PLEKHA5: variants seen among roughly 807,000 people sequenced by gnomAD.
PLEKHA5 encodes pleckstrin homology domain containing A5.
In PLEKHA5, 55 loss-of-function variants were observed where a neutral mutation model predicts 181.9. That is an observed-to-expected ratio of 0.30 (90% CI 0.24 to 0.38). The LOEUF is 0.38. Ranked by LOEUF, PLEKHA5 falls within the 10% of genes least tolerant of loss-of-function variation. The probability of loss-of-function intolerance (pLI) is 1.00; values close to 1 mark genes in which losing one functional copy is unlikely to be tolerated. For missense variants in PLEKHA5, 1,432 were observed against 1,549.5 expected (o/e 0.92, Z 1.27); for synonymous variants, 535 against 529.4 (o/e 1.01, Z -0.15).
Position 19,314,854 on chromosome 12 carries a change from T to C in PLEKHA5, c.2078T>C (p.Met693Thr). The C allele has an allele frequency of 6.5e-7, 1 of 1,548,848 alleles. No homozygotes were observed. The change falls in exon 16 of 32, where the codon ATG becomes ACG. Residue 693 changes from methionine to threonine, a missense_variant. Physicochemically the swap from Met to Thr is moderately conservative, Grantham distance 81. Coordinates refer to ENST00000429027, the MANE Select transcript of PLEKHA5 (RefSeq NM_001256470.2). ...NEPIITMVHT[M>T]IENSALRPQL... The stretch of plus-strand genomic sequence containing the variant: ...CCTATTATCACCATGGTTCACACAA[T>C]GATTGAGAACTCGGCGCTAAGACCC...
At chr12:19,231,778 T>C (rs1417371079) in intron 3 of PLEKHA5, among the ~76,000 whole-genome samples, 3 of 151,744 alleles carry the variant, frequency 2.0e-5, no homozygotes, top group African/African-American at 7.2e-5. Context: ...TATTTAATTA[T>C]AAAATCAGTA....
chr12:19,288,077 CAAAAAA>C (rs9300127), intron 13 of PLEKHA5: 131 of 185,640 alleles, frequency 7.1e-4, no homozygotes, highest in South Asian at 1.1e-3. Context: ...GACTCTGTCT[CAAAAAA>C]AAAAAAAAAA....
Position 19,196,110 on chromosome 12 carries a change from GAAT to G in PLEKHA5, c.228-57825_228-57823del, listed in dbSNP as rs1264019906. 5.3e-5 allele frequency among the ~76,000 whole-genome samples: 8 copies of G among 152,106 alleles called. No individual in the cohort carries two copies. The East Asian group carries it at 1.5e-3, about 29-fold the overall frequency. ...AGTATTTTATTGAGTCTGATTTCTTGAATAATATTTTATTTCTACAATGTGAGC... is the reference window on the plus strand; with the variant it reads ...AGTATTTTATTGAGTCTGATTTCTTGAATATTTTATTTCTACAATGTGAGC... On this transcript the variant is annotated intron_variant, in intron 3 of 31. Transcript: ENST00000429027.
intron 27 of PLEKHA5, among the ~76,000 whole-genome samples, chr12:19,358,811 T>TG (rs764259167): frequency 1.3e-4 from 20 of 152,228 alleles, no homozygotes; most frequent in Non-Finnish European, 2.5e-4. Flanking sequence ...AAATATGTAT[T>TG]GCTCTGTGTC....
At chr12:19,279,144 T>C (rs1319931791) in intron 11 of PLEKHA5, among the ~76,000 whole-genome samples, 1 of 152,224 alleles carries the variant, frequency 6.6e-6, no homozygotes, top group Non-Finnish European at 1.5e-5. Flanking sequence ...GATTATATCC[T>C]TCCTAATTTT....
At chr12:19,344,949 A>AG (rs1459727537) in intron 22 of PLEKHA5, among the ~76,000 whole-genome samples, 4 of 146,418 alleles carry the variant, frequency 2.7e-5, no homozygotes, top group East Asian at 2.0e-4. Flanking sequence ...GCTCTACTGA[A>AG]AAAAAAAAAA....
At chr12:19,134,570 C>G (rs2035037483) in intron 3 of PLEKHA5, among the ~76,000 whole-genome samples, 1 of 152,038 alleles carries the variant, frequency 6.6e-6, no homozygotes, top group Non-Finnish European at 1.5e-5. Flanking sequence ...AGACTAATTT[C>G]TTTTAAGGTT....
rs562983593 is a variant in PLEKHA5 at position 19,166,321 on chromosome 12, A to G, written c.227+33871A>G. ...GACGTCATCGAAACATACTGTAGTT[A>G]TTTAAACGTGTCGTGGTTCTAAATG... On this transcript the variant is annotated intron_variant, in intron 3 of 31. Transcript: ENST00000429027. Among the ~76,000 whole-genome samples, 40 of 152,324 alleles carry G rather than the reference A, an allele frequency of 2.6e-4. 1 individual carries two copies. The highest frequency in any genetic ancestry group is 7.2e-4 in the Admixed American group (11 of 15,302).
intron 20 of PLEKHA5, among the ~76,000 whole-genome samples, chr12:19,325,506 G>A (rs576690689): frequency 7.9e-5 from 12 of 151,688 alleles, no homozygotes; most frequent in African/African-American, 2.7e-4. Flanking sequence ...TGGCTGACAC[G>A]GTGAAACCCC....
At chr12:19,243,594 A>T (rs1219096346) in intron 3 of PLEKHA5, among the ~76,000 whole-genome samples, 1 of 152,164 alleles carries the variant, frequency 6.6e-6, no homozygotes, top group Non-Finnish European at 1.5e-5. Context: ...AAATGATGAG[A>T]GGAGAAAGAA....
Position 19,322,382 on chromosome 12 carries a change from A to G in PLEKHA5, c.2290A>G (p.Lys764Glu). The G allele has an allele frequency of 1.2e-6, 2 of 1,609,722 alleles. No individual in the cohort carries two copies. Among genetic ancestry groups the G allele is most frequent in the East Asian group, 2.2e-5 (1 of 44,852 alleles). ...ALEEKLQQLHKEKYTLEQALL... is the reference protein window; with the variant it reads ...ALEEKLQQLHEEKYTLEQALL... The stretch of plus-strand genomic sequence containing the variant: ...GGAAGAGAAACTTCAGCAACTCCAC[A>G]AGGAGAAAGTAGGACAATTATGTTT... The change falls in exon 19 of 32, where the codon AAG becomes GAG. Residue 764 changes from lysine (K) to glutamate (E), a missense_variant. Physicochemically the swap from Lys to Glu is moderately conservative, Grantham distance 56. This residue lies in a region of PLEKHA5 where 1,143 missense variants were observed against 1,168.4 expected (regional missense o/e 0.98). Coordinates refer to ENST00000429027, the MANE Select transcript of PLEKHA5 (RefSeq NM_001256470.2).
intron 7 of PLEKHA5, among the ~76,000 whole-genome samples, chr12:19,263,294 C>T (rs1300131775): frequency 2.0e-5 from 3 of 152,010 alleles, no homozygotes; most frequent in South Asian, 2.1e-4. Context: ...TCATTGCACG[C>T]GAGGGGAAAC....
chr12:19,308,528 A>G (rs1409376020), intron 15 of PLEKHA5, among the ~76,000 whole-genome samples: 1 of 152,180 alleles, frequency 6.6e-6, no homozygotes, highest in Non-Finnish European at 1.5e-5. Context: ...TACAGCCAGA[A>G]TGGATTGTTT....
chr12:19,189,343 A>G (rs764663219), intron 3 of PLEKHA5, among the ~76,000 whole-genome samples: 9 of 152,208 alleles, frequency 5.9e-5, no homozygotes, highest in Non-Finnish European at 1.2e-4. Context: ...GATGGTAAAT[A>G]GATGAAGAAA....
intron 11 of PLEKHA5, among the ~76,000 whole-genome samples, chr12:19,276,332 G>A (rs1445865682): frequency 2.6e-5 from 4 of 152,090 alleles, no homozygotes; most frequent in African/African-American, 9.7e-5. Flanking sequence ...GGATGTATTC[G>A]GGATATAATT....
intron 20 of PLEKHA5, among the ~76,000 whole-genome samples, chr12:19,329,834 T>C (rs2092668534): frequency 6.6e-6 from 1 of 151,950 alleles, no homozygotes; most frequent in African/African-American, 2.4e-5. Flanking sequence ...CCTAGCACTT[T>C]GGGAGGCTGA....
chr12:19,205,663 T>A (rs111324050), intron 3 of PLEKHA5, among the ~76,000 whole-genome samples: 2,565 of 152,234 alleles, frequency 0.017, 85 homozygotes, highest in African/African-American at 0.058. Flanking sequence ...CATAAATTGC[T>A]ATGATGATAC....
At chr12:19,231,590 A>C (rs2060588687) in intron 3 of PLEKHA5, among the ~76,000 whole-genome samples, 1 of 90,330 alleles carries the variant, frequency 1.1e-5, no homozygotes, top group Non-Finnish European at 1.9e-5. Flanking sequence ...ATATATTTAT[A>C]TATGTACACA....
intron 3 of PLEKHA5, among the ~76,000 whole-genome samples, chr12:19,186,784 T>C (rs1008931413): frequency 1.3e-5 from 2 of 152,208 alleles, no homozygotes; most frequent in Non-Finnish European, 2.9e-5. Flanking sequence ...TTTTTGGGCA[T>C]TGTATGCAGA....
Sources: gnomAD v4.1 joint callset for allele counts (sites outside exome capture counted in the v4.1 genomes callset) on GRCh38, gnomAD v4.1.1 for gene constraint, gnomAD v4.1.1 regional missense constraint, MANE v1.5 for transcripts, NCBI Gene and HGNC (gene_info 2026-07-23, HGNC 2026-07-21) for gene names.